The following PKHD1 variants were observed in gnomAD, a reference collection of about 807,000 sequenced individuals.
The protein encoded by PKHD1 is PKHD1 ciliary IPT domain containing fibrocystin/polyductin.
In PKHD1, 291 loss-of-function variants were observed where a neutral mutation model predicts 412.0. The ratio of observed to expected loss-of-function variants is 0.71; its 90% CI spans 0.64 to 0.78. PKHD1 has a LOEUF of 0.78. Among genes scored for constraint, PKHD1 ranks in the 30% least tolerant of loss-of-function variants. The pLI, the probability that PKHD1 is intolerant of heterozygous loss-of-function variation, is 0.00. For missense variants in PKHD1, 4,825 were observed against 4,950.7 expected (o/e 0.97, Z 0.76); for synonymous variants, 1,777 against 1,821.5 (o/e 0.98, Z 0.62).
intron 33 of PKHD1, among the ~76,000 whole-genome samples, chr6:52,022,288 C>G (rs576340415): frequency 2.0e-5 from 3 of 152,152 alleles, no homozygotes; most frequent in Non-Finnish European, 4.4e-5. Context: ...TATTGCAAAA[C>G]AAGAAGACAA....
intron 55 of PKHD1, 120 bp from the exon 56 acceptor site, chr6:51,755,058 T>C (rs1394384567): frequency 6.8e-6 from 6 of 885,224 alleles, no homozygotes; most frequent in Admixed American, 1.7e-5. Flanking sequence ...GAAACTGAAA[T>C]AGAAATAAGA....
chr6:51,941,796 C>T (rs1205925720), intron 36 of PKHD1, among the ~76,000 whole-genome samples: 103 of 147,454 alleles, frequency 7.0e-4, no homozygotes, highest in African/African-American at 1.9e-3. Flanking sequence ...CACCCTTCAT[C>T]CCAGCCTCTC....
intron 37 of PKHD1, 78 bp from the exon 38 acceptor site, chr6:51,912,654 G>T (rs1763163586): frequency 9.8e-7 from 1 of 1,017,670 alleles, no homozygotes; most frequent in Non-Finnish European, 1.5e-6. Flanking sequence ...ATTAATAAAT[G>T]TGATGTTATT....
At position 51,763,777 on chromosome 6, in the gene PKHD1, C is replaced by T. The variant is rs150780444; in HGVS notation, c.8643-8839G>A. 6.6e-5 allele frequency among the ~76,000 whole-genome samples: 10 copies of T among 152,138 alleles called. No individual in the cohort carries two copies. In the East Asian group the frequency reaches 1.4e-3, roughly 21 times the overall value. On this transcript the variant is annotated intron_variant, in intron 55 of 66. Transcript: ENST00000371117. ...CCTGCAGCCCCTGACTACAATTACACTGTCTCTTGCTGGGTGTCTCTGGAT... is the reference window on the plus strand; with the variant it reads ...CCTGCAGCCCCTGACTACAATTACATTGTCTCTTGCTGGGTGTCTCTGGAT...
At chr6:52,067,907 G>C (rs1809995991) in intron 11 of PKHD1, among the ~76,000 whole-genome samples, 1 of 152,166 alleles carries the variant, frequency 6.6e-6, no homozygotes, top group Admixed American at 6.6e-5. Flanking sequence ...GAGAAAGCCA[G>C]GGAGGGGCTT....
chr6:52,027,455 C>A (rs1210944806), intron 31 of PKHD1, among the ~76,000 whole-genome samples: 1 of 149,554 alleles, frequency 6.7e-6, no homozygotes, highest in African/African-American at 2.5e-5. Context: ...TTACTTGAAC[C>A]CGGGAGGCAG....
In PKHD1 at chr6:52,022,821, C is replaced by T; in HGVS notation, c.5360G>A (p.Cys1787Tyr). The T allele has an allele frequency of 6.2e-7, 1 of 1,614,056 alleles. No homozygotes were observed. The highest frequency in any genetic ancestry group is 8.5e-7 in the Non-Finnish European group (1 of 1,180,018). ...CTCACCATCCAGGGGCAGAACCAAG[C>T]AGCTGAAGGCAGACACTGTAGCATT... ...LANATVSAFS[C>Y]LVLPLDVSLA... Residue 1787 changes from cysteine (C) to tyrosine (Y), a missense_variant, in exon 33 of 67, where the codon TGC (cysteine) becomes TAC (tyrosine). Transcript: ENST00000371117.
intron 60 of PKHD1, among the ~76,000 whole-genome samples, chr6:51,688,454 C>T (rs1750963): frequency 0.057 from 8,639 of 150,688 alleles, 304 homozygotes; most frequent in Non-Finnish European, 0.081. Context: ...TCAAAGCTAG[C>T]AGAAAACAAG....
chr6:51,753,774 C>A (rs1186496085), intron 56 of PKHD1, among the ~76,000 whole-genome samples: 1 of 152,134 alleles, frequency 6.6e-6, no homozygotes. Flanking sequence ...GAGGCAGTGA[C>A]AGAGCAAAAG....
chr6:51,874,626 T>C (rs1461376119), intron 46 of PKHD1, among the ~76,000 whole-genome samples: 3 of 152,052 alleles, frequency 2.0e-5, no homozygotes, highest in Non-Finnish European at 4.4e-5. Context: ...CAGGCCAAAT[T>C]CTTTAAAAGT....
intron 50 of PKHD1, among the ~76,000 whole-genome samples, chr6:51,843,241 C>A (rs1365022897): frequency 6.6e-6 from 1 of 152,058 alleles, no homozygotes; most frequent in South Asian, 2.1e-4. Context: ...AAAGGCTGAG[C>A]GTGAAATTCT....
chr6:51,715,428 C>T (rs1168389379), intron 60 of PKHD1, among the ~76,000 whole-genome samples: 3 of 151,984 alleles, frequency 2.0e-5, no homozygotes, highest in East Asian at 1.9e-4. Flanking sequence ...CAAAGGCCAC[C>T]GCAATTTTGA....
At chr6:51,873,953 A>G (rs1341918522) in intron 46 of PKHD1, among the ~76,000 whole-genome samples, 1 of 152,200 alleles carries the variant, frequency 6.6e-6, no homozygotes, top group Non-Finnish European at 1.5e-5. Context: ...AGACATCAGC[A>G]TGTGGAAGGT....
chr6:51,828,015 C>CA (rs1053569429), intron 52 of PKHD1, among the ~76,000 whole-genome samples: 1 of 152,052 alleles, frequency 6.6e-6, no homozygotes, highest in Non-Finnish European at 1.5e-5. Flanking sequence ...TTAAATACCT[C>CA]AAGCAGTGTA....
intron 60 of PKHD1, chr6:51,740,121 C>T: frequency 2.1e-6 from 1 of 471,640 alleles, no homozygotes; most frequent in Non-Finnish European, 4.3e-6. Flanking sequence ...ACCTGCTTGG[C>T]ATGAGCTGTC....
intron 52 of PKHD1, among the ~76,000 whole-genome samples, chr6:51,821,922 A>C (rs1053289798): frequency 6.6e-6 from 1 of 152,174 alleles, no homozygotes; most frequent in Non-Finnish European, 1.5e-5. Flanking sequence ...CCTGACCTCA[A>C]GTGATCCGCC....
chr6:52,063,030 T>C (rs1020402196), intron 13 of PKHD1, among the ~76,000 whole-genome samples: 1 of 152,092 alleles, frequency 6.6e-6, no homozygotes, highest in African/African-American at 2.4e-5. Flanking sequence ...AAGCCAGAAG[T>C]GGGCTTCAGT....
At chr6:51,707,031 G>C (rs574869456) in intron 60 of PKHD1, among the ~76,000 whole-genome samples, 1 of 152,162 alleles carries the variant, frequency 6.6e-6, no homozygotes, top group African/African-American at 2.4e-5. Context: ...ACTAAAACAT[G>C]TTCACTTAAA....
chr6:51,767,444 G>A (rs893096550), intron 55 of PKHD1, among the ~76,000 whole-genome samples: 8 of 151,822 alleles, frequency 5.3e-5, no homozygotes, highest in South Asian at 2.1e-4. Context: ...CCATTAACTC[G>A]TCATTTAGCT....
Sources: gnomAD v4.1 joint callset for allele counts (sites outside exome capture counted in the v4.1 genomes callset) on GRCh38, gnomAD v4.1.1 for gene constraint, MANE v1.5 for transcripts, NCBI Gene and HGNC (gene_info 2026-07-23, HGNC 2026-07-21) for gene names.